The following DPYD variants were observed in gnomAD, a reference collection of about 807,000 sequenced individuals.
DPYD encodes dihydropyrimidine dehydrogenase [NADP(+)].
A neutral mutation model predicts 116.2 loss-of-function variants in DPYD; 109 were observed. The observed-to-expected ratio is 0.94, with a 90% CI of 0.80 to 1.10. The LOEUF (loss-of-function observed/expected upper bound fraction) is 1.10. Among genes scored for constraint, DPYD ranks in the 50% least tolerant of loss-of-function variants. The probability of loss-of-function intolerance (pLI) is 0.00; values close to 1 mark genes in which losing one functional copy is unlikely to be tolerated. For missense variants in DPYD, 1,302 were observed against 1,254.5 expected (o/e 1.04, Z -0.57); for synonymous variants, 440 against 432.0 (o/e 1.02, Z -0.23).
chr1:97,865,233 A>G (rs1260233931), intron 2 of DPYD, among the ~76,000 whole-genome samples: 4 of 151,922 alleles, frequency 2.6e-5, no homozygotes, highest in Non-Finnish European at 5.9e-5. Flanking sequence ...AAACAGCTCT[A>G]ACAAGCAGAG....
intron 10 of DPYD, among the ~76,000 whole-genome samples, chr1:97,591,675 C>A (rs1227163390): frequency 6.6e-6 from 1 of 152,094 alleles, no homozygotes; most frequent in Non-Finnish European, 1.5e-5. Flanking sequence ...CCCCTTCCAA[C>A]CCTCAAGAAG....
chr1:97,743,038 C>T (rs1664354188), intron 3 of DPYD, among the ~76,000 whole-genome samples: 2 of 151,968 alleles, frequency 1.3e-5, no homozygotes, highest in Non-Finnish European at 2.9e-5. Flanking sequence ...AATTAATGTG[C>T]AGTGTATTTT....
rs568016627 is a variant in DPYD, at chr1:97,840,227, G to GT, written c.151-12032dup. On this transcript the variant is annotated intron_variant, in intron 2 of 22. Coordinates refer to ENST00000370192, the MANE Select transcript of DPYD (RefSeq NM_000110.4). ...AATAAAGTATTGAAAATTATAAAGT[G>GT]TTTTTTTAAATGCACGACAAAAAAA... Among the ~76,000 whole-genome samples the GT allele has an allele frequency of 5.4e-3, 815 of 151,808 alleles. 8 individuals carry two copies. Among genetic ancestry groups the GT allele is most frequent in the African/African-American group, 0.018 (726 of 41,440 alleles).
At chr1:97,814,938 A>AGC (rs1668513204) in intron 3 of DPYD, among the ~76,000 whole-genome samples, 1 of 48,744 alleles carries the variant, frequency 2.1e-5, no homozygotes, top group Admixed American at 2.2e-4. Flanking sequence ...GAGAGGAAAG[A>AGC]AAGAAAGAAA....
chr1:97,349,440 C>A (rs2101309612), intron 16 of DPYD, among the ~76,000 whole-genome samples: 1 of 151,974 alleles, frequency 6.6e-6, no homozygotes, highest in African/African-American at 2.4e-5. Flanking sequence ...TGGTGTGCTG[C>A]ACCCATTAAC....
intron 8 of DPYD, among the ~76,000 whole-genome samples, chr1:97,633,888 G>A (rs963609070): frequency 1.3e-5 from 2 of 152,034 alleles, no homozygotes; most frequent in African/African-American, 2.4e-5. Flanking sequence ...TCGTTTCAGC[G>A]TTGACTCCCC....
At chr1:97,617,494 T>C (rs760869580) in intron 8 of DPYD, among the ~76,000 whole-genome samples, 1 of 152,184 alleles carries the variant, frequency 6.6e-6, no homozygotes, top group Non-Finnish European at 1.5e-5. Context: ...CTTAGAACTT[T>C]AGCTTTGCTG....
chr1:97,363,336 G>T (rs1228605729), intron 16 of DPYD, among the ~76,000 whole-genome samples: 27 of 152,104 alleles, frequency 1.8e-4, no homozygotes, highest in Non-Finnish European at 1.5e-5. Context: ...GAATAGGAAT[G>T]CCTTTATACT....
chr1:97,471,214 T>C (rs775208025), intron 13 of DPYD, among the ~76,000 whole-genome samples: 3 of 152,192 alleles, frequency 2.0e-5, no homozygotes, highest in Non-Finnish European at 4.4e-5. Context: ...CTAAGTTTCA[T>C]ATTTCATTGT....
chr1:97,210,972 C>T (rs1031312490), intron 19 of DPYD, among the ~76,000 whole-genome samples: 38 of 152,292 alleles, frequency 2.5e-4, no homozygotes, highest in African/African-American at 8.7e-4. Context: ...TGGTCTCTCA[C>T]TTGCCTCACT....
At chr1:97,298,241 G>A (rs1222599587) in intron 18 of DPYD, among the ~76,000 whole-genome samples, 1 of 152,056 alleles carries the variant, frequency 6.6e-6, no homozygotes, top group Admixed American at 6.6e-5. Context: ...GGTAGCAAAA[G>A]CATCATCTGG....
chr1:97,141,044 T>C (rs1031288428), intron 20 of DPYD, among the ~76,000 whole-genome samples: 6 of 152,032 alleles, frequency 3.9e-5, no homozygotes, highest in Admixed American at 2.0e-4. Context: ...TAGGGAAAGT[T>C]CACTTCTGAG....
intron 14 of DPYD, among the ~76,000 whole-genome samples, chr1:97,435,477 G>A (rs1675420613): frequency 6.6e-6 from 1 of 151,804 alleles, no homozygotes; most frequent in Non-Finnish European, 1.5e-5. Flanking sequence ...AGGATGTCTG[G>A]TTTGCCTGGT....
intron 13 of DPYD, among the ~76,000 whole-genome samples, chr1:97,471,619 T>G (rs1252158545): frequency 6.6e-6 from 1 of 151,940 alleles, no homozygotes; most frequent in Non-Finnish European, 1.5e-5. Context: ...GAGACAGTTT[T>G]GCTCTGTCGC....
intron 8 of DPYD, among the ~76,000 whole-genome samples, chr1:97,613,441 T>A (rs1656071605): frequency 1.3e-5 from 2 of 151,974 alleles, no homozygotes; most frequent in South Asian, 4.1e-4. Context: ...CTCTTCTGCA[T>A]CCTCATATTT....
At chr1:97,276,693 A>G (rs1664950311) in intron 18 of DPYD, among the ~76,000 whole-genome samples, 1 of 151,728 alleles carries the variant, frequency 6.6e-6, no homozygotes, top group African/African-American at 2.4e-5. Flanking sequence ...AAAAAAAAAA[A>G]AGTCAACAAA....
At chr1:97,720,235 T>G in intron 5 of DPYD, 13 of 984,936 alleles carry the variant, frequency 1.3e-5, no homozygotes, top group Non-Finnish European at 1.6e-5. Context: ...TGATATCATT[T>G]TAATTCATTT....
intron 19 of DPYD, among the ~76,000 whole-genome samples, chr1:97,201,371 T>C (rs1402912110): frequency 6.6e-6 from 1 of 152,152 alleles, no homozygotes; most frequent in Non-Finnish European, 1.5e-5. Context: ...CAATAATTAC[T>C]CACGGAATTG....
chr1:97,749,650 C>A (rs960121085), intron 3 of DPYD, among the ~76,000 whole-genome samples: 1 of 152,118 alleles, frequency 6.6e-6, no homozygotes, highest in Admixed American at 6.5e-5. Context: ...AACACGTAGC[C>A]ATATTCTGAA....
Sources: gnomAD v4.1 joint callset for allele counts (sites outside exome capture counted in the v4.1 genomes callset) on GRCh38, gnomAD v4.1.1 for gene constraint, MANE v1.5 for transcripts, NCBI Gene and HGNC (gene_info 2026-07-23, HGNC 2026-07-21) for gene names.